C11orf65: variants seen among roughly 807,000 people sequenced by gnomAD.
C11orf65 encodes chromosome 11 open reading frame 65.
In C11orf65, 38 loss-of-function variants were observed where a neutral mutation model predicts 35.3. The observed-to-expected ratio is 1.08, with a 90% CI of 0.83 to 1.41. The LOEUF (loss-of-function observed/expected upper bound fraction) is 1.41. C11orf65 is among the 40% of genes most tolerant of loss of function. C11orf65 has a pLI of 0.00. For synonymous variants in C11orf65, 105 were observed against 114.4 expected (o/e 0.92, Z 0.53); for missense variants, 370 against 367.1 (o/e 1.01, Z -0.06).
At chr11:108,355,155 A>G in intron 2 of C11orf65, 1 of 420,468 alleles carries the variant, frequency 2.4e-6, no homozygotes, top group South Asian at 2.7e-5. Context: ...TAGATATTCC[A>G]TATGGTATTA....
At chr11:108,329,575 T>G (rs2086048537), downstream of C11orf65, among the ~76,000 whole-genome samples, 1 of 152,076 alleles carries the variant, frequency 6.6e-6, no homozygotes, top group African/African-American at 2.4e-5. Flanking sequence ...CATACCTGGC[T>G]AATTTTTGTA....
chr11:108,321,936 AGT>A (rs758425174), intron 6 of C11orf65, among the ~76,000 whole-genome samples: 33 of 152,200 alleles, frequency 2.2e-4, no homozygotes, highest in Non-Finnish European at 4.4e-4. Flanking sequence ...ATTCAGCTTA[AGT>A]GTGCTTTTCT....
chr11:108,337,086 TGAA>T (rs927058637), intron 2 of C11orf65, among the ~76,000 whole-genome samples: 8 of 151,742 alleles, frequency 5.3e-5, no homozygotes, highest in Admixed American at 2.0e-4. Flanking sequence ...AATAGGGGAG[TGAA>T]GAAGAATAAA....
At chr11:108,337,911 A>G (rs1024449034) in intron 2 of C11orf65, among the ~76,000 whole-genome samples, 2 of 152,268 alleles carry the variant, frequency 1.3e-5, no homozygotes, top group African/African-American at 4.8e-5. Flanking sequence ...TGAACCTCCA[A>G]AGTTCATTGC....
At chr11:108,455,963 C>T (rs994681734) in intron 2 of C11orf65, among the ~76,000 whole-genome samples, 6 of 151,596 alleles carry the variant, frequency 4.0e-5, no homozygotes, top group East Asian at 1.9e-4. Context: ...GAGACCAGCA[C>T]GGGCAACACG....
intron 3 of C11orf65, among the ~76,000 whole-genome samples, chr11:108,423,898 C>T (rs990353188): frequency 5.9e-5 from 9 of 152,120 alleles, no homozygotes; most frequent in Non-Finnish European, 8.8e-5. Flanking sequence ...AAACCCCATT[C>T]GACGGTCACC....
chr11:108,353,607 G>T, intron 2 of C11orf65: 1 of 635,874 alleles, frequency 1.6e-6, no homozygotes, highest in African/African-American at 1.8e-5. Context: ...TGACAAAGAT[G>T]AGGAAGGCAG....
At chr11:108,448,689 G>A (rs1466805979) in intron 2 of C11orf65, among the ~76,000 whole-genome samples, 1 of 152,146 alleles carries the variant, frequency 6.6e-6, no homozygotes, top group Non-Finnish European at 1.5e-5. Flanking sequence ...TACTGAATGG[G>A]CAAAAACTGG....
At chr11:108,364,552 C>T (rs1237157127) in intron 2 of C11orf65, among the ~76,000 whole-genome samples, 1 of 152,140 alleles carries the variant, frequency 6.6e-6, no homozygotes, top group African/African-American at 2.4e-5. Context: ...CTTTCTGGAT[C>T]CACCCAGATT....
intron 3 of C11orf65, among the ~76,000 whole-genome samples, chr11:108,410,422 T>C (rs2138724135): frequency 6.6e-6 from 1 of 152,332 alleles, no homozygotes; most frequent in Non-Finnish European, 1.5e-5. Context: ...GGCACCATCA[T>C]GGTTCAATGC....
At chr11:108,444,680 C>T (rs550711203) in intron 2 of C11orf65, among the ~76,000 whole-genome samples, 10 of 152,218 alleles carry the variant, frequency 6.6e-5, no homozygotes, top group East Asian at 1.9e-4. Flanking sequence ...GCATGAGCGA[C>T]GCAGAAGACA....
intron 2 of C11orf65, among the ~76,000 whole-genome samples, chr11:108,362,260 C>T (rs2090857139): frequency 6.7e-6 from 1 of 149,734 alleles, no homozygotes; most frequent in African/African-American, 2.4e-5. Flanking sequence ...TACCATCTCA[C>T]ACCAGTTAGA....
intron 2 of C11orf65, among the ~76,000 whole-genome samples, chr11:108,372,558 A>G (rs529942812): frequency 6.6e-6 from 1 of 152,354 alleles, no homozygotes; most frequent in African/African-American, 2.4e-5. Flanking sequence ...AAAGGTTTTA[A>G]GACAGAAAAA....
chr11:108,330,178 TG>T (rs2086105193), downstream of C11orf65: 2 of 1,594,174 alleles, frequency 1.3e-6, no homozygotes, highest in Admixed American at 3.4e-5. Context: ...TTAAAGTTCA[TG>T]GCTTTTGTGT....
intron 2 of C11orf65, among the ~76,000 whole-genome samples, chr11:108,457,901 T>A (rs759710590): frequency 6.6e-6 from 1 of 152,110 alleles, no homozygotes; most frequent in Non-Finnish European, 1.5e-5. Flanking sequence ...CTTGACTGTA[T>A]CTAGAATCAA....
intron 3 of C11orf65, among the ~76,000 whole-genome samples, chr11:108,421,972 C>A (rs2092823924): frequency 6.6e-6 from 1 of 152,142 alleles, no homozygotes; most frequent in Non-Finnish European, 1.5e-5. Context: ...CACACTGTCA[C>A]CCGGGTTGGT....
chr11:108,308,595 C>G (rs968962035), exon 7 of C11orf65: 1 of 191,186 alleles, frequency 5.2e-6, no homozygotes, highest in Non-Finnish European at 1.1e-5. Flanking sequence ...GAGAGTTGAC[C>G]AGAACTCTGA....
chr11:108,450,195 C>G (rs2093327260), intron 2 of C11orf65, among the ~76,000 whole-genome samples: 1 of 151,954 alleles, frequency 6.6e-6, no homozygotes, highest in African/African-American at 2.4e-5. Context: ...GGACTGTAAA[C>G]TAGTTCAACC....
rs2093394383 is a variant in C11orf65, at chr11:108,454,874, A to T, written c.81+6605T>A. On this transcript the variant is annotated intron_variant, in intron 2 of 8. Transcript: ENST00000393084. ...TATTGTTTTTCTAGTTTTTATTTCA[A>T]TCATTTCTGCTCTAATCTTTATTTC... Among the ~76,000 whole-genome samples, 3 of 152,048 alleles carry T rather than the reference A, an allele frequency of 2.0e-5. No individual in the cohort carries two copies. In the South Asian group the frequency reaches 6.2e-4, roughly 31 times the overall value.
Sources: allele counts gnomAD v4.1 joint callset (sites outside exome capture counted in the v4.1 genomes callset), GRCh38; gene constraint gnomAD v4.1.1; transcripts MANE v1.5; gene names NCBI Gene and HGNC (gene_info 2026-07-23, HGNC 2026-07-21).